The following QPRT variants were observed in gnomAD, a reference collection of about 807,000 sequenced individuals.
QPRT encodes the protein nicotinate-nucleotide pyrophosphorylase [carboxylating].
In QPRT, 17 loss-of-function variants were observed where a neutral mutation model predicts 19.8. That is an observed-to-expected ratio of 0.86 (90% CI 0.59 to 1.29). The LOEUF (loss-of-function observed/expected upper bound fraction) is 1.29. Among genes scored for constraint, QPRT ranks in the 50% most tolerant of loss-of-function variants. QPRT has a pLI of 0.00. For missense variants in QPRT, 336 were observed against 405.1 expected, an observed-to-expected ratio of 0.83 and a Z score of 1.46; for synonymous variants, 178 against 191.0, an observed-to-expected ratio of 0.93 and a Z score of 0.56.
chr16:29,689,853 G>A (rs533336255), intron 1 of QPRT, among the ~76,000 whole-genome samples: 57 of 151,640 alleles, frequency 3.8e-4, no homozygotes, highest in Non-Finnish European at 5.9e-4. Context: ...CCTCTCACGC[G>A]GACCCCCTTA....
intron 2 of QPRT, 25 bp downstream of exon 2, chr16:29,695,224 C>T: frequency 6.6e-7 from 1 of 1,505,446 alleles, no homozygotes; most frequent in African/African-American, 1.4e-5. Flanking sequence ...TGTCCCTGGT[C>T]CAACCCCACC....
intron 1 of QPRT, among the ~76,000 whole-genome samples, chr16:29,684,104 C>T (rs1967091713): frequency 1.3e-5 from 2 of 152,030 alleles, no homozygotes; most frequent in Non-Finnish European, 2.9e-5. Context: ...GTTGGACATG[C>T]CCTGTGGGTT....
At chr16:29,683,614 C>T (rs940749978) in intron 1 of QPRT, among the ~76,000 whole-genome samples, 3 of 152,170 alleles carry the variant, frequency 2.0e-5, no homozygotes, top group African/African-American at 7.2e-5. Context: ...CTGCCTCGGC[C>T]TCCCAAAGTG....
At chr16:29,686,235 G>T (rs1320185091) in intron 1 of QPRT, among the ~76,000 whole-genome samples, 1 of 152,072 alleles carries the variant, frequency 6.6e-6, no homozygotes, top group African/African-American at 2.4e-5. Flanking sequence ...CTTTCTCCCT[G>T]TGGCCTCTCC....
intron 1 of QPRT, among the ~76,000 whole-genome samples, chr16:29,688,869 C>T (rs1967242193): frequency 1.3e-5 from 2 of 151,744 alleles, no homozygotes; most frequent in South Asian, 4.2e-4. Context: ...CAACCTCTGC[C>T]TCCTGGGTTC....
At chr16:29,696,557 TG>T (rs1332908191) in intron 2 of QPRT, 5 of 153,724 alleles carry the variant, frequency 3.3e-5, no homozygotes, top group Non-Finnish European at 7.2e-5. Context: ...CTGAGATGGG[TG>T]GATCACGAGG....
Position 29,697,398 on chromosome 16 carries a change from C to T in QPRT, c.881C>T (p.Pro294Leu). ...TTTGCCAAAGAGGTGGCTCCAGTGC[C>T]CAAAATCCACTAGTCCTAAACCGGA... ...KLFAKEVAPVPKIH is the reference protein window; with the variant it reads ...KLFAKEVAPVLKIH The change falls in exon 4 of 4, where the codon CCC (proline) becomes CTC (leucine). Residue 294 changes from proline to leucine, a missense_variant. Coordinates refer to ENST00000395384, the MANE Select transcript of QPRT (RefSeq NM_014298.6). This position sits in a 1 kb window ranked among gnomAD's most constrained non-coding sequence, Gnocchi z 4.4. The T allele has an allele frequency of 1.2e-6, 2 of 1,612,338 alleles. No individual in the cohort carries two copies. Among genetic ancestry groups the T allele is most frequent in the South Asian group, 2.2e-5 (2 of 91,044 alleles).
intron 1 of QPRT, among the ~76,000 whole-genome samples, chr16:29,691,504 A>AC (rs913284470): frequency 2.0e-5 from 3 of 150,878 alleles, no homozygotes; most frequent in Non-Finnish European, 2.9e-5. Context: ...ATATAGTGAG[A>AC]CCCCCATCTC....
rs903517035 is a variant in QPRT, at chr16:29,680,946, A to G, written c.13+1736A>G. On this transcript the variant is annotated intron_variant, in intron 1 of 3. Coordinates refer to ENST00000395384, the MANE Select transcript of QPRT (RefSeq NM_014298.6). ...ACAGAGCGAGACTCCATCTCAAAAA[A>G]AAAGGAAAATAAATAGTTCCCTGCT... Among the ~76,000 whole-genome samples, 10 of 152,184 alleles carry G rather than the reference A, an allele frequency of 6.6e-5. No individual in the cohort carries two copies. The East Asian group carries it at 1.5e-3, about 24-fold the overall frequency.
Position 29,695,060 on chromosome 16 carries a change from C to G in QPRT, c.410C>G (p.Thr137Arg). ...GAGWTGHVAG[T>R]RKTTPGFRLV... ...GGCTGGACTGGGCACGTGGCAGGCA[C>G]GAGGAAGACCACGCCAGGCTTCCGG... The change falls in exon 2 of 4, where the codon ACG becomes AGG. Residue 137 changes from threonine to arginine, a missense_variant. By Grantham distance (71) the Thr-to-Arg change is moderately conservative. Transcript: ENST00000395384. 1 of 1,605,912 alleles carries G rather than the reference C, an allele frequency of 6.2e-7. No homozygotes were observed. Among genetic ancestry groups the G allele is most frequent in the South Asian group, 1.1e-5 (1 of 90,854 alleles).
chr16:29,697,422 G>A lies in QPRT; in HGVS notation c.*11G>A, dbSNP rs1167579900. 1 of 1,604,252 alleles carries A rather than the reference G, an allele frequency of 6.2e-7. No homozygotes were observed. Among genetic ancestry groups the A allele is most frequent in the Non-Finnish European group, 8.5e-7 (1 of 1,175,992 alleles). On this transcript the variant is annotated 3_prime_UTR_variant, in exon 4 of 4. Coordinates refer to ENST00000395384, the MANE Select transcript of QPRT (RefSeq NM_014298.6). The surrounding 1 kb of genome is among the most constrained non-coding windows in gnomAD (Gnocchi z 4.4). ...CCCAAAATCCACTAGTCCTAAACCG[G>A]AAGAGGATGACACCGGCCATGGGTT... is the stretch of plus-strand genomic sequence containing the variant.
At chr16:29,691,190 C>G (rs1298882644) in intron 1 of QPRT, among the ~76,000 whole-genome samples, 1 of 151,036 alleles carries the variant, frequency 6.6e-6, no homozygotes, top group Non-Finnish European at 1.5e-5. Flanking sequence ...AATGGCAAAA[C>G]CCTGTCTCTA....
chr16:29,691,363 T>TAAA (rs1967323799), intron 1 of QPRT, among the ~76,000 whole-genome samples: 1 of 10,526 alleles, frequency 9.5e-5, no homozygotes, highest in African/African-American at 5.0e-4. Flanking sequence ...AAGCTCTGCA[T>TAAA]CAAAAAAAAA....
chr16:29,687,920 T>A (rs1967210365), intron 1 of QPRT, among the ~76,000 whole-genome samples: 1 of 151,714 alleles, frequency 6.6e-6, no homozygotes, highest in Non-Finnish European at 1.5e-5. Context: ...AGTTCAAGGC[T>A]GCAGTGAGCC....
At chr16:29,684,676 C>T (rs924287321) in intron 1 of QPRT, among the ~76,000 whole-genome samples, 4 of 152,174 alleles carry the variant, frequency 2.6e-5, no homozygotes, top group Non-Finnish European at 2.9e-5. Context: ...ACTCCAGAGC[C>T]ATTCCCTACC....
chr16:29,686,636 C>T (rs1055639082), intron 1 of QPRT, among the ~76,000 whole-genome samples: 5 of 152,168 alleles, frequency 3.3e-5, no homozygotes, highest in Admixed American at 6.6e-5. Flanking sequence ...GCTGGGATTA[C>T]AGGCGCTCGG....
intron 1 of QPRT, among the ~76,000 whole-genome samples, chr16:29,689,970 A>G (rs1967277812): frequency 6.6e-6 from 1 of 151,924 alleles, no homozygotes; most frequent in South Asian, 2.1e-4. Flanking sequence ...TCCCTTCACT[A>G]TCTTGGTGTC....
rs778501323 is a variant in QPRT at position 29,694,687 on chromosome 16, G to T, written c.37G>T (p.Val13Phe). 3 of 1,548,924 alleles carry T rather than the reference G, an allele frequency of 1.9e-6. No homozygotes were observed. The highest frequency in any genetic ancestry group is 2.7e-5 in the African/African-American group (2 of 73,214). ...AEGLALLLPP[V>F]TLAALVDSWL... ...AGGCCTGGCGCTGCTGCTGCCGCCCGTCACCCTGGCAGCCCTGGTGGACAG... is the reference window on the plus strand; with the variant it reads ...AGGCCTGGCGCTGCTGCTGCCGCCCTTCACCCTGGCAGCCCTGGTGGACAG... Residue 13 changes from valine to phenylalanine, a missense_variant, in exon 2 of 4, where the codon GTC becomes TTC. By Grantham distance (50) the Val-to-Phe change is conservative (BLOSUM62 -1). Coordinates refer to ENST00000395384, the MANE Select transcript of QPRT (RefSeq NM_014298.6).
chr16:29,685,017 C>T (rs1261336063), intron 1 of QPRT, among the ~76,000 whole-genome samples: 1 of 152,190 alleles, frequency 6.6e-6, no homozygotes. Context: ...CTTCTGCCAG[C>T]TCTCAGCTAC....
Sources: gnomAD v4.1 joint callset for allele counts (sites outside exome capture counted in the v4.1 genomes callset) on GRCh38, gnomAD v4.1.1 for gene constraint, Gnocchi (gnomAD v3.1) non-coding constraint, MANE v1.5 for transcripts, NCBI Gene and HGNC (gene_info 2026-07-23, HGNC 2026-07-21) for gene names.